The following TAFA4 variants were observed in gnomAD, a reference collection of about 807,000 sequenced individuals.
TAFA4 encodes chemokine-like protein TAFA-4.
In TAFA4, 20 loss-of-function variants were observed where a neutral mutation model predicts 21.1. The observed-to-expected ratio is 0.95, with a 90% CI of 0.67 to 1.38. TAFA4 has a LOEUF of 1.38. TAFA4 is among the 40% of genes most tolerant of loss of function. The pLI is 0.00. For missense variants in TAFA4, 211 were observed against 180.9 expected, an observed-to-expected ratio of 1.17 and a Z score of -0.95; for synonymous variants, 71 against 67.4, an observed-to-expected ratio of 1.05 and a Z score of -0.26.
At chr3:68,785,696 G>C (rs1410619596) in intron 3 of TAFA4, among the ~76,000 whole-genome samples, 3 of 152,248 alleles carry the variant, frequency 2.0e-5, no homozygotes, top group African/African-American at 7.2e-5. Context: ...GCCTTGGCCA[G>C]TCCAGAAAGG....
At chr3:68,853,382 T>C (rs1704994760) in intron 3 of TAFA4, among the ~76,000 whole-genome samples, 2 of 152,172 alleles carry the variant, frequency 1.3e-5, no homozygotes, top group Non-Finnish European at 2.9e-5. Flanking sequence ...AGTAATATTT[T>C]AAATGCATGG....
At chr3:68,860,654 G>T (rs1242815477) in intron 3 of TAFA4, among the ~76,000 whole-genome samples, 1 of 151,866 alleles carries the variant, frequency 6.6e-6, no homozygotes, top group East Asian at 1.9e-4. Flanking sequence ...ATTGCTACTG[G>T]GTTGCAGTTA....
At chr3:68,739,013 A>G in intron 5 of TAFA4, 62 bp downstream of exon 5, 1 of 1,594,282 alleles carries the variant, frequency 6.3e-7, no homozygotes, top group Non-Finnish European at 8.5e-7. Flanking sequence ...GAATAAAATC[A>G]AGGGGAGAAA....
intron 1 of TAFA4, among the ~76,000 whole-genome samples, chr3:68,922,463 G>A (rs921194419): frequency 2.6e-5 from 4 of 151,850 alleles, no homozygotes; most frequent in African/African-American, 4.8e-5. Context: ...AATTTGCAGA[G>A]GATCAAAAAA....
intron 1 of TAFA4, among the ~76,000 whole-genome samples, chr3:68,920,368 T>G (rs533740121): frequency 1.3e-5 from 2 of 152,376 alleles, no homozygotes; most frequent in African/African-American, 4.8e-5. Context: ...TATTTTCACA[T>G]TATACTTTTT....
intron 3 of TAFA4, among the ~76,000 whole-genome samples, chr3:68,798,090 T>C (rs1046250030): frequency 6.6e-6 from 1 of 152,194 alleles, no homozygotes; most frequent in Non-Finnish European, 1.5e-5. Flanking sequence ...TCACACAGTA[T>C]CTCACAAGAA....
At chr3:68,907,278 A>T (rs1372181116) in intron 1 of TAFA4, among the ~76,000 whole-genome samples, 1 of 152,176 alleles carries the variant, frequency 6.6e-6, no homozygotes. Context: ...GGAGGCAAAG[A>T]TATGCACCAA....
At chr3:68,865,837 G>A (rs2089408989) in intron 3 of TAFA4, among the ~76,000 whole-genome samples, 1 of 152,020 alleles carries the variant, frequency 6.6e-6, no homozygotes, top group Non-Finnish European at 1.5e-5. Context: ...GATGTTCCCT[G>A]AAACCACAGA....
At chr3:68,771,128 T>C (rs1251874028) in intron 3 of TAFA4, among the ~76,000 whole-genome samples, 3 of 152,082 alleles carry the variant, frequency 2.0e-5, no homozygotes, top group Admixed American at 2.0e-4. Flanking sequence ...TGACTCCCCA[T>C]CCATCTCACT....
chr3:68,812,670 T>A (rs1457014245), intron 3 of TAFA4, among the ~76,000 whole-genome samples: 1 of 152,168 alleles, frequency 6.6e-6, no homozygotes, highest in Non-Finnish European at 1.5e-5. Context: ...CCCAGATTCA[T>A]AAAGCAAGTC....
intron 3 of TAFA4, among the ~76,000 whole-genome samples, chr3:68,875,301 G>T (rs1383748369): frequency 6.6e-6 from 1 of 151,828 alleles, no homozygotes; most frequent in Non-Finnish European, 1.5e-5. Flanking sequence ...CAATAGTACG[G>T]TTGTTAAATA....
chr3:68,779,105 A>G (rs1208530853), intron 3 of TAFA4, among the ~76,000 whole-genome samples: 1 of 152,222 alleles, frequency 6.6e-6, no homozygotes, highest in Non-Finnish European at 1.5e-5. Context: ...GTTTTAGCAA[A>G]GAGAGTGGCA....
At chr3:68,763,546 A>G (rs1378484101) in intron 3 of TAFA4, among the ~76,000 whole-genome samples, 1 of 152,122 alleles carries the variant, frequency 6.6e-6, no homozygotes, top group African/African-American at 2.4e-5. Context: ...TCAAAAATCA[A>G]CACAAAAAAA....
In TAFA4 at chr3:68,777,699, T is replaced by C. The variant is rs773953827; in HGVS notation, c.131-24681A>G. Among the ~76,000 whole-genome samples, 4 of 152,076 alleles carry C rather than the reference T, an allele frequency of 2.6e-5. No individual in the cohort carries two copies. In the South Asian group the frequency reaches 6.2e-4, roughly 24 times the overall value. Reference sequence around the variant, plus strand: ...TATAAAAGTAGAGAACAAATAGTAATATGCAACAGTCATGTGCTACATAAT... The same window carrying C: ...TATAAAAGTAGAGAACAAATAGTAACATGCAACAGTCATGTGCTACATAAT... On this transcript the variant is annotated intron_variant, in intron 3 of 5. Transcript: ENST00000295569.
At chr3:68,906,723 C>T (rs1245840471) in intron 1 of TAFA4, among the ~76,000 whole-genome samples, 1 of 151,996 alleles carries the variant, frequency 6.6e-6, no homozygotes, top group Admixed American at 6.6e-5. Flanking sequence ...CACCCTTTAT[C>T]TTGTACAGAA....
intron 3 of TAFA4, among the ~76,000 whole-genome samples, chr3:68,775,567 C>T (rs925732030): frequency 3.3e-5 from 5 of 152,080 alleles, no homozygotes; most frequent in Non-Finnish European, 5.9e-5. Context: ...GGGGAGGGGA[C>T]AAGAGCAAAG....
chr3:68,860,466 CTTAG>C (rs938708719), intron 3 of TAFA4, among the ~76,000 whole-genome samples: 4 of 152,138 alleles, frequency 2.6e-5, no homozygotes, highest in African/African-American at 7.2e-5. Context: ...CTATAATAAT[CTTAG>C]TTAGGTAGTG....
chr3:68,820,318 G>C (rs141868625), intron 3 of TAFA4, among the ~76,000 whole-genome samples: 1 of 152,274 alleles, frequency 6.6e-6, no homozygotes, highest in East Asian at 1.9e-4. Context: ...AAATTTCAGG[G>C]AGAATAAGTT....
intron 3 of TAFA4, among the ~76,000 whole-genome samples, chr3:68,754,902 C>A (rs1300797189): frequency 6.6e-6 from 1 of 152,202 alleles, no homozygotes; most frequent in Non-Finnish European, 1.5e-5. Flanking sequence ...TGAGAACTTA[C>A]TAACCTTCTG....
Sources: gnomAD v4.1 joint callset for allele counts (sites outside exome capture counted in the v4.1 genomes callset) on GRCh38, gnomAD v4.1.1 for gene constraint, MANE v1.5 for transcripts, NCBI Gene and HGNC (gene_info 2026-07-23, HGNC 2026-07-21) for gene names.